The following KCNK10 variants were observed in gnomAD, a reference collection of about 807,000 sequenced individuals.
KCNK10 encodes potassium two pore domain channel subfamily K member 10.
Under a neutral mutation model 47.7 loss-of-function variants are expected in KCNK10, and 25 were observed. The ratio of observed to expected loss-of-function variants is 0.52; its 90% CI spans 0.38 to 0.73. The LOEUF (loss-of-function observed/expected upper bound fraction) is 0.73, where lower values mean the gene tolerates loss of function less well. KCNK10 is among the 30% of genes least tolerant of loss of function. The pLI, the probability that KCNK10 is intolerant of heterozygous loss-of-function variation, is 0.00. For synonymous variants in KCNK10, 303 were observed against 285.6 expected (o/e 1.06, Z -0.61); for missense variants, 563 against 714.5 (o/e 0.79, Z 2.42).
intron 2 of KCNK10, among the ~76,000 whole-genome samples, chr14:88,247,983 G>A (rs1227525724): frequency 6.6e-6 from 1 of 152,168 alleles, no homozygotes; most frequent in African/African-American, 2.4e-5. Context: ...AGGGATAGAT[G>A]TGTATACTTT....
chr14:88,282,831 T>G (rs149560372), intron 1 of KCNK10, among the ~76,000 whole-genome samples: 21 of 152,320 alleles, frequency 1.4e-4, no homozygotes, highest in Non-Finnish European at 2.6e-4. Flanking sequence ...AGCTCTCCCA[T>G]GCACAAAAAT....
In KCNK10 at chr14:88,265,701, C is replaced by G. The variant is rs546757893; in HGVS notation, c.53-2150G>C. Among the ~76,000 whole-genome samples, 6 of 152,302 alleles carry G rather than the reference C, an allele frequency of 3.9e-5. No homozygotes were observed. In the East Asian group the frequency reaches 1.2e-3, roughly 29 times the overall value. On this transcript the variant is annotated intron_variant, in intron 1 of 6. Transcript: ENST00000319231. ...AATTGTATTCCCATAATCCTTACAT[C>G]TTGGGGGAGTGACCCCGTGGGAGGT...
chr14:88,223,711 T>A (rs1319790933), intron 4 of KCNK10, among the ~76,000 whole-genome samples: 1 of 152,188 alleles, frequency 6.6e-6, no homozygotes, highest in Admixed American at 6.5e-5. Context: ...GGCGTTTTTG[T>A]TTGTTTGTTT....
At position 88,278,551 on chromosome 14, in the gene KCNK10, G is replaced by A. The variant is rs190618530; in HGVS notation, c.53-15000C>T. On this transcript the variant is annotated intron_variant, in intron 1 of 6. Coordinates refer to ENST00000319231, the MANE Select transcript of KCNK10 (RefSeq NM_138317.3). ...ATGCAAGCTTGCCATGTGAGTGAAT[G>A]CTAAGTGTTGATGCAAGATCTTCGT... Among the ~76,000 whole-genome samples the A allele has an allele frequency of 3.3e-5, 5 of 152,342 alleles. No individual in the cohort carries two copies. The East Asian group carries it at 7.7e-4, about 24-fold the overall frequency.
chr14:88,240,637 C>T, intron 3 of KCNK10, 66 bp downstream of exon 3: 1 of 1,024,222 alleles, frequency 9.8e-7, no homozygotes, highest in Non-Finnish European at 1.6e-6. Context: ...GAGGACAAAA[C>T]ACTGACTAAG....
chr14:88,281,363 G>A (rs1331548291), intron 1 of KCNK10, among the ~76,000 whole-genome samples: 1 of 152,162 alleles, frequency 6.6e-6, no homozygotes, highest in East Asian at 1.9e-4. Flanking sequence ...ATTATTCTGG[G>A]TACTTCTGTG....
At chr14:88,195,490 T>G (rs144259743) in intron 4 of KCNK10, among the ~76,000 whole-genome samples, 2 of 152,326 alleles carry the variant, frequency 1.3e-5, no homozygotes, top group East Asian at 3.9e-4. Context: ...GAATGTTCCC[T>G]CATATGTGGC....
chr14:88,326,387 C>T (rs1450348968), upstream of KCNK10: 2 of 1,602,334 alleles, frequency 1.2e-6, no homozygotes, highest in East Asian at 2.2e-5. Context: ...CGGTTCTACC[C>T]TTTGGTTATT....
chr14:88,217,485 G>T (rs1885659425), intron 4 of KCNK10, among the ~76,000 whole-genome samples: 1 of 152,146 alleles, frequency 6.6e-6, no homozygotes, highest in South Asian at 2.1e-4. Flanking sequence ...CTACAATGCT[G>T]AAAATAATAC....
intron 1 of KCNK10, among the ~76,000 whole-genome samples, chr14:88,293,732 G>C (rs1394226128): frequency 6.6e-6 from 1 of 151,952 alleles, no homozygotes; most frequent in Non-Finnish European, 1.5e-5. Context: ...CTAGTGTGCA[G>C]TGGTGCAATC....
At chr14:88,320,219 G>A (rs1888517740) in intron 1 of KCNK10, among the ~76,000 whole-genome samples, 1 of 152,148 alleles carries the variant, frequency 6.6e-6, no homozygotes. Context: ...TGTACATAAA[G>A]CACCTGGCAT....
At chr14:88,256,233 A>G (rs921977612) in intron 2 of KCNK10, among the ~76,000 whole-genome samples, 17 of 152,166 alleles carry the variant, frequency 1.1e-4, no homozygotes, top group African/African-American at 3.6e-4. Flanking sequence ...CCCTTCCTCT[A>G]GAAGATCCAC....
intron 4 of KCNK10, among the ~76,000 whole-genome samples, chr14:88,217,725 G>C (rs1885667703): frequency 8.0e-6 from 1 of 125,446 alleles, no homozygotes; most frequent in South Asian, 2.2e-4. Flanking sequence ...CAAGTAATTT[G>C]AATCTTTTTT....
intron 5 of KCNK10, among the ~76,000 whole-genome samples, chr14:88,191,505 A>G (rs1884748279): frequency 6.6e-6 from 1 of 152,328 alleles, no homozygotes; most frequent in African/African-American, 2.4e-5. Context: ...TCTTCCTTCT[A>G]TCCGTACCTT....
chr14:88,297,540 G>T (rs1236015496), intron 1 of KCNK10, among the ~76,000 whole-genome samples: 1 of 152,288 alleles, frequency 6.6e-6, no homozygotes, highest in Non-Finnish European at 1.5e-5. Flanking sequence ...TGATAACAGA[G>T]AATACAGATC....
intron 1 of KCNK10, among the ~76,000 whole-genome samples, chr14:88,278,046 T>C (rs377094089): frequency 3.9e-5 from 6 of 152,272 alleles, no homozygotes; most frequent in African/African-American, 7.2e-5. Flanking sequence ...GCTTCAGGCA[T>C]CGGAGGCACC....
chr14:88,315,485 T>C (rs940763137), intron 1 of KCNK10, among the ~76,000 whole-genome samples: 2 of 152,186 alleles, frequency 1.3e-5, no homozygotes, highest in African/African-American at 4.8e-5. Context: ...ACACCTAATA[T>C]CAAGCATCTC....
intron 1 of KCNK10, among the ~76,000 whole-genome samples, chr14:88,308,155 C>A (rs1888239681): frequency 6.6e-6 from 1 of 152,106 alleles, no homozygotes; most frequent in Non-Finnish European, 1.5e-5. Context: ...TCAGCACCCC[C>A]AGTCAAGGTT....
chr14:88,262,046 A>C (rs1233252400), intron 2 of KCNK10, among the ~76,000 whole-genome samples: 1 of 152,226 alleles, frequency 6.6e-6, no homozygotes, highest in Non-Finnish European at 1.5e-5. Context: ...GTATGGTAAG[A>C]AATAAATAAA....
Sources: allele counts gnomAD v4.1 joint callset (sites outside exome capture counted in the v4.1 genomes callset), GRCh38; gene constraint gnomAD v4.1.1; transcripts MANE v1.5; gene names NCBI Gene and HGNC (gene_info 2026-07-23, HGNC 2026-07-21).